The following AKAP19 variants were observed in gnomAD, a reference collection of about 807,000 sequenced individuals.
The protein encoded by AKAP19 is small A-kinase anchoring protein.
the AKAP19 span, among the ~76,000 whole-genome samples, chr2:190,072,032 T>A: frequency 0.071 from 10,855 of 151,970 alleles, 1,195 homozygotes; most frequent in African/African-American, 0.23. Flanking sequence ...ACTGCAGAAC[T>A]GCAAGGAGAA....
chr2:189,980,113 G>C, the AKAP19 span, among the ~76,000 whole-genome samples: 1 of 152,116 alleles, frequency 6.6e-6, no homozygotes, highest in Non-Finnish European at 1.5e-5. Flanking sequence ...ACCTGCACTT[G>C]TCTGTTTATC....
chr2:190,031,060 GTCA>G, the AKAP19 span, among the ~76,000 whole-genome samples: 19 of 152,276 alleles, frequency 1.2e-4, no homozygotes, highest in South Asian at 2.7e-3. Flanking sequence ...ATAGAAGGCT[GTCA>G]TCATCTGCTG....
At chr2:190,053,722 G>A in the AKAP19 span, among the ~76,000 whole-genome samples, 1 of 151,936 alleles carries the variant, frequency 6.6e-6, no homozygotes, top group African/African-American at 2.4e-5. Flanking sequence ...ATTTTTAGAA[G>A]TGATCATTTG....
At chr2:190,176,085 T>C in the AKAP19 span, among the ~76,000 whole-genome samples, 1 of 152,202 alleles carries the variant, frequency 6.6e-6, no homozygotes, top group African/African-American at 2.4e-5. This position sits in a 1 kb window ranked among gnomAD's most constrained non-coding sequence, Gnocchi z 4.7. Flanking sequence ...TCTTTAAAAA[T>C]TATCTTGTCT....
chr2:190,008,522 T>C, the AKAP19 span, among the ~76,000 whole-genome samples: 1 of 152,168 alleles, frequency 6.6e-6, no homozygotes, highest in African/African-American at 2.4e-5. Context: ...TGTATACTAG[T>C]AATTATTATA....
At chr2:190,127,193 A>G in the AKAP19 span, among the ~76,000 whole-genome samples, 3 of 67,432 alleles carry the variant, frequency 4.4e-5, no homozygotes, top group South Asian at 5.6e-4. Flanking sequence ...CCCTGACTGG[A>G]AAAAAAAAAA....
chr2:190,177,716 G>C, the AKAP19 span, among the ~76,000 whole-genome samples: 3 of 152,168 alleles, frequency 2.0e-5, no homozygotes, highest in Admixed American at 1.3e-4. The surrounding 1 kb of genome is among the most constrained non-coding windows in gnomAD (Gnocchi z 4.6). Flanking sequence ...AAGTTTTATG[G>C]GGCTGGGGAT....
the AKAP19 span, chr2:190,201,425 G>C: frequency 1.8e-5 from 3 of 166,934 alleles, no homozygotes; most frequent in Non-Finnish European, 2.9e-5. Context: ...GGTAGACATT[G>C]AGTTTAAATG....
the AKAP19 span, among the ~76,000 whole-genome samples, chr2:190,028,070 A>G: frequency 6.6e-6 from 1 of 152,034 alleles, no homozygotes. Flanking sequence ...CTCTGCACAT[A>G]TCTCCCTGAC....
chr2:190,060,855 C>A, the AKAP19 span, among the ~76,000 whole-genome samples: 10 of 152,032 alleles, frequency 6.6e-5, no homozygotes, highest in Admixed American at 5.3e-4. Context: ...AAGAAGGAAC[C>A]CTTCCCCCAG....
At chr2:190,150,624 G>A in the AKAP19 span, among the ~76,000 whole-genome samples, 1 of 152,182 alleles carries the variant, frequency 6.6e-6, no homozygotes, top group East Asian at 1.9e-4. Context: ...TCTCAGGATT[G>A]CTGGTTTGTT....
the AKAP19 span, among the ~76,000 whole-genome samples, chr2:190,193,937 CT>C: frequency 6.6e-6 from 1 of 151,958 alleles, no homozygotes; most frequent in East Asian, 1.9e-4. Flanking sequence ...TATAAATTTC[CT>C]TCTAAGCTCT....
chr2:190,195,381 T>C, the AKAP19 span, among the ~76,000 whole-genome samples: 2 of 148,754 alleles, frequency 1.3e-5, no homozygotes, highest in Non-Finnish European at 3.0e-5. Context: ...ATGTTTCACT[T>C]TCTAAGAAAC....
the AKAP19 span, among the ~76,000 whole-genome samples, chr2:190,101,385 T>A: frequency 2.0e-5 from 3 of 152,154 alleles, no homozygotes; most frequent in African/African-American, 4.8e-5. Context: ...GTGTGTGCCA[T>A]TGCTGGGTAC....
the AKAP19 span, among the ~76,000 whole-genome samples, chr2:190,102,437 T>A: frequency 6.6e-6 from 1 of 152,046 alleles, no homozygotes; most frequent in Non-Finnish European, 1.5e-5. Context: ...ATCAATAGAC[T>A]GCTTGCTAGA....
At chr2:189,969,869 C>CTTTTTTTTTTTTTTTT in the AKAP19 span, among the ~76,000 whole-genome samples, 1 of 109,944 alleles carries the variant, frequency 9.1e-6, no homozygotes, top group African/African-American at 3.6e-5. Context: ...TCTTCTTCTT[C>CTTTTTTTTTTTTTTTT]TTTTTTTTTT....
the AKAP19 span, among the ~76,000 whole-genome samples, chr2:189,955,496 G>A: frequency 0.034 from 5,135 of 152,146 alleles, 273 homozygotes; most frequent in African/African-American, 0.11. Context: ...TGGAATTGCT[G>A]GGTCAAATGG....
At chr2:190,202,754 C>T in the AKAP19 span, 1 of 167,158 alleles carries the variant, frequency 6.0e-6, no homozygotes. Flanking sequence ...ACCAGCACAA[C>T]AAAGAGCCTC....
At chr2:190,021,628 A>G in the AKAP19 span, among the ~76,000 whole-genome samples, 1 of 152,172 alleles carries the variant, frequency 6.6e-6, no homozygotes, top group South Asian at 2.1e-4. Flanking sequence ...GGGAAGCCAG[A>G]GCCAATGACT....
Sources: gnomAD v4.1 joint callset for allele counts (sites outside exome capture counted in the v4.1 genomes callset) on GRCh38, gnomAD v4.1.1 for gene constraint, Gnocchi (gnomAD v3.1) non-coding constraint, MANE v1.5 for transcripts, NCBI Gene and HGNC (gene_info 2026-07-23, HGNC 2026-07-21) for gene names.